Variants in EIF4G1 observed in about 807,000 individuals in gnomAD.
EIF4G1 encodes EIF4-gamma.
A neutral mutation model predicts 187.8 loss-of-function variants in EIF4G1; 4 were observed. That is an observed-to-expected ratio of 0.02 (90% confidence interval 0.01 to 0.05). The LOEUF is 0.05. EIF4G1 is among the 10% of genes least tolerant of loss of function. The pLI is 1.00. For synonymous variants in EIF4G1, 844 were observed against 781.4 expected (o/e 1.08, Z -1.34); for missense variants, 1,647 against 2,081.1 (o/e 0.79, Z 4.06).
intron 8 of EIF4G1, 29 bp from the exon 9 acceptor site, chr3:184,320,898 C>T (rs760884870): frequency 3.7e-6 from 6 of 1,614,068 alleles, no homozygotes; most frequent in Non-Finnish European, 5.1e-6. Flanking sequence ...CTCTTCAGTG[C>T]AAACTTGGTA....
chr3:184,325,382 C>G lies in EIF4G1; in HGVS notation c.2961+9C>G. The G allele has an allele frequency of 1.2e-6, 2 of 1,613,984 alleles. No individual in the cohort carries two copies. ...TGCTGGATCTGCGAGGGGTGTGTGT[C>G]CCCCTCCTCCCCACTGCCAGCCTGC... On this transcript the variant is annotated intron_variant, in intron 19 of 32. Transcript: ENST00000346169. This position sits in a 1 kb window ranked among gnomAD's most constrained non-coding sequence, Gnocchi z 5.2.
In EIF4G1 at chr3:184,325,377, T is replaced by C. The variant is rs780444876; in HGVS notation, c.2961+4T>C. On this transcript the variant is annotated splice_donor_region_variant and intron_variant, in intron 19 of 32. Transcript: ENST00000346169. The surrounding 1 kb of genome is among the most constrained non-coding windows in gnomAD (Gnocchi z 5.2). ...GGACGTGCTGGATCTGCGAGGGGTGTGTGTCCCCCTCCTCCCCACTGCCAG... is the reference window on the plus strand; with the variant it reads ...GGACGTGCTGGATCTGCGAGGGGTGCGTGTCCCCCTCCTCCCCACTGCCAG... The C allele has an allele frequency of 3.1e-6, 5 of 1,614,142 alleles. No individual in the cohort carries two copies. Among genetic ancestry groups the C allele is most frequent in the Non-Finnish European group, 4.2e-6 (5 of 1,179,978 alleles).
chr3:184,315,598 G>A, intron 2 of EIF4G1, 53 bp downstream of exon 2: 1 of 771,238 alleles, frequency 1.3e-6, no homozygotes, highest in South Asian at 1.4e-5. Context: ...AGTGATGCGG[G>A]TTTGACAGCA....
At position 184,315,802 on chromosome 3, in the gene EIF4G1, C is replaced by G; in HGVS notation, c.6C>G (p.Asn2Lys). 6.4e-7 allele frequency: 1 copy of G among 1,551,696 alleles called. No individual in the cohort carries two copies. The highest frequency in any genetic ancestry group is 8.7e-7 in the Non-Finnish European group (1 of 1,146,972). ...CTGATGTGGCACCAAATGAAATGAA[C>G]AAAGCTCCACAGTCCACAGGCCCCC... MNKAPQSTGPPP... is the reference protein window; with the variant it reads MKKAPQSTGPPP... The change falls in exon 3 of 33, where the codon AAC (asparagine) becomes AAG (lysine). Residue 2 changes from asparagine to lysine, a missense_variant. This residue lies in a region of EIF4G1 where 61 missense variants were observed against 49.5 expected (regional missense o/e 1.23). Transcript: ENST00000346169.
At chr3:184,330,822 ACCCTCG>A (rs1277590548) in intron 28 of EIF4G1, among the ~76,000 whole-genome samples, 1 of 151,596 alleles carries the variant, frequency 6.6e-6, no homozygotes, top group Non-Finnish European at 1.5e-5. Context: ...GCTCATTGCA[ACCCTCG>A]CCTTGGGTTC....
rs772606370 is a variant in EIF4G1 at position 184,321,375 on chromosome 3, C to T, written c.791C>T (p.Pro264Leu). 4.5e-5 allele frequency: 73 copies of T among 1,614,026 alleles called. No individual in the cohort carries two copies. The highest frequency in any genetic ancestry group is 1.1e-4 in the East Asian group (5 of 44,896). Residue 264 changes from proline to leucine, a missense_variant, in exon 10 of 33, where the codon CCG becomes CTG. Physicochemically the swap from Pro to Leu is moderately conservative, Grantham distance 98. Transcript: ENST00000346169. ...PSESQPSSPS[P>L]TPSPSPVLEP... ...GAATCCCAGCCTTCGTCGCCTTCTC[C>T]GACCCCATCACCATCCCCAGTCTTG...
In EIF4G1 at chr3:184,325,799, G is replaced by A. The variant is rs765980019; in HGVS notation, c.3122-52G>A. On this transcript the variant is annotated intron_variant, in intron 20 of 32. Coordinates refer to ENST00000346169, the MANE Select transcript of EIF4G1 (RefSeq NM_198241.3). This position sits in a 1 kb window ranked among gnomAD's most constrained non-coding sequence, Gnocchi z 5.2. ...GAGGCTGGGGGTGGCCCAAGGGGAA[G>A]GGGCTGCTAGGATTTATTCATTATT... 2 of 1,613,202 alleles carry A rather than the reference G, an allele frequency of 1.2e-6. No homozygotes were observed. Among genetic ancestry groups the A allele is most frequent in the South Asian group, 1.1e-5 (1 of 91,052 alleles).
chr3:184,325,655 G>T lies in EIF4G1; in HGVS notation c.3121+16G>T, dbSNP rs913419028. 1.2e-6 allele frequency: 2 copies of T among 1,613,976 alleles called. No individual in the cohort carries two copies. The highest frequency in any genetic ancestry group is 1.7e-6 in the Non-Finnish European group (2 of 1,180,036). The stretch of plus-strand genomic sequence containing the variant: ...CCTCCCATCAGTGAGTTCCAAGCTG[G>T]GATTGAGAAGGGAGCAGTGAAGGGA... On this transcript the variant is annotated intron_variant, in intron 20 of 32. Transcript: ENST00000346169. This position sits in a 1 kb window ranked among gnomAD's most constrained non-coding sequence, Gnocchi z 5.2.
At position 184,316,112 on chromosome 3, in the gene EIF4G1, C is replaced by T. The variant is rs765554409; in HGVS notation, c.61-20C>T. 3 of 1,614,110 alleles carry T rather than the reference C, an allele frequency of 1.9e-6. No homozygotes were observed. The highest frequency in any genetic ancestry group is 1.7e-6 in the Non-Finnish European group (2 of 1,179,996). On this transcript the variant is annotated intron_variant, in intron 3 of 32. Transcript: ENST00000346169. ...CACCTGGGCTTCCCCTCTTGCTGAACTCTGGTCTCCCCTCTTCAGCCAGCG... is the reference window on the plus strand; with the variant it reads ...CACCTGGGCTTCCCCTCTTGCTGAATTCTGGTCTCCCCTCTTCAGCCAGCG...
At chr3:184,320,322 G>A in intron 7 of EIF4G1, 2 of 1,307,214 alleles carry the variant, frequency 1.5e-6, no homozygotes, top group Non-Finnish European at 2.0e-6. Context: ...TTCTAGATGG[G>A]GGTCCTGGGC....
In EIF4G1 at chr3:184,317,357, GCAGCCTCCCGAGTGCAGAGTGCAGCCC is replaced by G; in HGVS notation, c.186_212del (p.Ser64_Ala72del). 6.2e-7 allele frequency: 1 copy of G among 1,614,112 alleles called. No individual in the cohort carries two copies. Among genetic ancestry groups the G allele is most frequent in the South Asian group, 1.1e-5 (1 of 91,090 alleles). ...TAGCCGGGCCCAGCCCCCGAGCAGT[GCAGCCTCCCGAGTGCAGAGTGCAGCCC>G]CTGCCCGCCCTGGCCCAGCTGCCCA... On this transcript the variant is annotated inframe_deletion, in exon 5 of 33. Transcript: ENST00000346169.
In EIF4G1 at chr3:184,335,349, A is replaced by G. The variant is rs567810650; in HGVS notation, c.*441A>G. On this transcript the variant is annotated 3_prime_UTR_variant, in exon 33 of 33. Coordinates refer to ENST00000346169, the MANE Select transcript of EIF4G1 (RefSeq NM_198241.3). The stretch of plus-strand genomic sequence containing the variant: ...CCTGTAATTATTAAACATGAATTCA[A>G]TTAAGCTCACTGCCTTTCTGCTTTA... 8.3e-5 allele frequency: 18 copies of G among 217,990 alleles called. No individual in the cohort carries two copies. Among genetic ancestry groups the G allele is most frequent in the Middle Eastern group, 1.9e-3 (1 of 532 alleles). The allele number at this position is 217,990 out of a possible 1,614,324, so 13.5% of individuals were successfully genotyped here.
At position 184,320,343 on chromosome 3, in the gene EIF4G1, G is replaced by T. The variant is rs16858630; in HGVS notation, c.538-287G>T. On this transcript the variant is annotated intron_variant, in intron 7 of 32. Transcript: ENST00000346169. ...ATGGGGGTCCTGGGCCCCAGGGTGT[G>T]CAGCCACTGACTTGGGGACTGCTGG... 4.1e-4 allele frequency: 553 copies of T among 1,341,700 alleles called. 4 individuals are homozygous for T. The African/African-American group carries it at 7.5e-3, about 18-fold the overall frequency. 83.1% of individuals were successfully genotyped at this position (1,341,700 alleles called of 1,614,324 possible).
chr3:184,315,688 A>C (rs1239840377), intron 2 of EIF4G1, 75 bp from the exon 3 acceptor site: 3 of 1,143,490 alleles, frequency 2.6e-6, no homozygotes, highest in East Asian at 5.1e-5. Context: ...CAGCCCTTGC[A>C]TCAACCCTTT....
At chr3:184,332,744 TTCTACCTA>T (rs1357536262) in intron 32 of EIF4G1, among the ~76,000 whole-genome samples, 1 of 151,942 alleles carries the variant, frequency 6.6e-6, no homozygotes, top group Non-Finnish European at 1.5e-5. Flanking sequence ...TGTGTGTTCT[TTCTACCTA>T]TGGTAGGAAG....
At chr3:184,326,242 A>G (rs1724880528) in intron 21 of EIF4G1, among the ~76,000 whole-genome samples, 1 of 152,216 alleles carries the variant, frequency 6.6e-6, no homozygotes, top group Non-Finnish European at 1.5e-5. Flanking sequence ...GCGAAAAATC[A>G]AAAAGTGAAT....
Position 184,316,148 on chromosome 3 carries a change from G to C in EIF4G1, c.77G>C (p.Gly26Ala). The C allele has an allele frequency of 1.2e-6, 2 of 1,614,116 alleles. No individual in the cohort carries two copies. The highest frequency in any genetic ancestry group is 8.5e-7 in the Non-Finnish European group (1 of 1,180,024). ...CCTCTTCAGCCAGCGTTTCCCCCGG[G>C]GCAGACAGCGCCGGTGGTGTTCAGT... ...PGLPQPAFPP[G>A]QTAPVVFSTP... Residue 26 changes from glycine to alanine, a missense_variant, in exon 4 of 33, where the codon GGG (glycine) becomes GCG (alanine). Gly to Ala is a moderately conservative substitution (Grantham distance 60). Around this residue, in one of 11 missense-constraint regions of EIF4G1, gnomAD observed 61 missense variants for 49.5 expected, o/e 1.23. Transcript: ENST00000346169.
rs770343374 is a variant in EIF4G1, at chr3:184,319,756, G to A, written c.492G>A (p.Leu164=). The change falls in exon 7 of 33, where the codon TTG becomes TTA. Residue 164 remains leucine (L), a synonymous_variant. Transcript: ENST00000346169. ...CTGGCGTGGCCCCCACCCCAGTTTT[G>A]ATGAACCAGCCACCCCAGATTGCTC... The part of the protein sequence containing the change: ...FPTGVAPTPV[L]MNQPPQIAPK... 36 of 1,608,406 alleles carry A rather than the reference G, an allele frequency of 2.2e-5. No individual in the cohort carries two copies. In the East Asian group the frequency reaches 6.3e-4, roughly 28 times the overall value.
At chr3:184,317,231 C>T in intron 4 of EIF4G1, 90 bp from the exon 5 acceptor site, 1 of 1,465,616 alleles carries the variant, frequency 6.8e-7, no homozygotes, top group Non-Finnish European at 9.5e-7. Flanking sequence ...CACAGTACTT[C>T]TTTCCAGGCT....
Sources: gnomAD v4.1 joint callset for allele counts (sites outside exome capture counted in the v4.1 genomes callset) on GRCh38, gnomAD v4.1.1 for gene constraint, gnomAD v4.1.1 regional missense constraint, Gnocchi (gnomAD v3.1) non-coding constraint, MANE v1.5 for transcripts, NCBI Gene and HGNC (gene_info 2026-07-23, HGNC 2026-07-21) for gene names.